Variants in POLH observed in about 807,000 individuals in gnomAD.
The protein encoded by POLH is DNA polymerase eta transcript.
POLH carries 53 observed loss-of-function variants against 73.6 expected under a neutral mutation model. The observed-to-expected ratio is 0.72, with a 90% CI of 0.58 to 0.91. The LOEUF (loss-of-function observed/expected upper bound fraction) is 0.91. Ranked by LOEUF, POLH falls within the 40% of genes least tolerant of loss-of-function variation. The pLI is 0.00. For missense variants in POLH, 768 were observed against 865.4 expected (o/e 0.89, Z 1.41); for synonymous variants, 292 against 308.5 (o/e 0.95, Z 0.56).
Position 43,582,300 on chromosome 6 carries a change from A to C in POLH, c.-4-16A>C. On this transcript the variant is annotated splice_polypyrimidine_tract_variant and intron_variant, in intron 1 of 10. Coordinates refer to ENST00000372236, the MANE Select transcript of POLH (RefSeq NM_006502.3). ...TTAGGTGTTTTTCTAACTGTCCATA[A>C]AATGTTGTGTTACAGAAAAATGGCT... is the stretch of plus-strand genomic sequence containing the variant. 1.2e-6 allele frequency: 2 copies of C among 1,613,336 alleles called. No homozygotes were observed. The highest frequency in any genetic ancestry group is 1.7e-6 in the Non-Finnish European group (2 of 1,179,248).
At position 43,582,462 on chromosome 6, in the gene POLH, T is replaced by C. The variant is rs1159827481; in HGVS notation, c.137+6T>C. ...AAATCATGGAAGGGTGGTGGGTATG[T>C]ATCATTGTTATTGTCACAACTATTC... On this transcript the variant is annotated splice_donor_region_variant and intron_variant, in intron 2 of 10. Coordinates refer to ENST00000372236, the MANE Select transcript of POLH (RefSeq NM_006502.3). 1.2e-5 allele frequency: 20 copies of C among 1,612,908 alleles called. No homozygotes were observed. Among genetic ancestry groups the C allele is most frequent in the Non-Finnish European group, 1.6e-5 (19 of 1,179,010 alleles).
chr6:43,618,371 GTCTC>G lies in POLH; in HGVS notation c.*3816_*3819del, dbSNP rs762351459. Among the ~76,000 whole-genome samples, 4 of 152,046 alleles carry G rather than the reference GTCTC, an allele frequency of 2.6e-5. No homozygotes were observed. The highest frequency in any genetic ancestry group is 5.9e-5 in the Non-Finnish European group (4 of 68,010). Reference sequence around the variant, plus strand: ...GGTTTTCACCATGTTGGCCAGGCTGGTCTCTATCTAGACCTCGTGATCCATCCGC... The same window carrying G: ...GGTTTTCACCATGTTGGCCAGGCTGGTATCTAGACCTCGTGATCCATCCGC... On this transcript the variant is annotated 3_prime_UTR_variant, in exon 11 of 11. Transcript: ENST00000372236.
chr6:43,576,656 T>C (rs1310266254), intron 1 of POLH, among the ~76,000 whole-genome samples: 2 of 152,252 alleles, frequency 1.3e-5, no homozygotes, highest in African/African-American at 4.8e-5. Flanking sequence ...TGGAATTACT[T>C]TCCTGGATGT....
chr6:43,576,990 T>C (rs1021330730), intron 1 of POLH, among the ~76,000 whole-genome samples: 1 of 152,218 alleles, frequency 6.6e-6, no homozygotes, highest in Non-Finnish European at 1.5e-5. Flanking sequence ...ACCCCGTTTC[T>C]ACTAAACATA....
chr6:43,582,472 A>T lies in POLH; in HGVS notation c.137+16A>T, dbSNP rs2307458. Reference sequence around the variant, plus strand: ...AGGGTGGTGGGTATGTATCATTGTTATTGTCACAACTATTCAATGGTAACA... The same window carrying T: ...AGGGTGGTGGGTATGTATCATTGTTTTTGTCACAACTATTCAATGGTAACA... On this transcript the variant is annotated intron_variant, in intron 2 of 10. Coordinates refer to ENST00000372236, the MANE Select transcript of POLH (RefSeq NM_006502.3). 2.4e-3 allele frequency: 3,876 copies of T among 1,611,260 alleles called. 85 individuals carry two copies. In the African/African-American group the frequency reaches 0.046, roughly 19 times the overall value.
At chr6:43,598,819 C>A (rs977871914) in intron 5 of POLH, among the ~76,000 whole-genome samples, 2 of 151,892 alleles carry the variant, frequency 1.3e-5, no homozygotes, top group African/African-American at 4.8e-5. Flanking sequence ...ATTTTATATA[C>A]GGGACTTGGG....
chr6:43,598,441 A>G (rs1309571131), intron 5 of POLH, among the ~76,000 whole-genome samples: 1 of 151,664 alleles, frequency 6.6e-6, no homozygotes, highest in African/African-American at 2.4e-5. Context: ...AGCCTGACCA[A>G]TATGGTAAAA....
chr6:43,576,519 C>T (rs1411633245), intron 1 of POLH, 79 bp downstream of exon 1: 1 of 152,188 alleles, frequency 6.6e-6, no homozygotes, highest in Non-Finnish European at 1.5e-5. Flanking sequence ...TATAATGTAG[C>T]AGTGACTGGG....
chr6:43,582,968 T>C (rs1764451779), intron 2 of POLH, 39 bp from the exon 3 acceptor site: 1 of 1,574,948 alleles, frequency 6.3e-7, no homozygotes, highest in Non-Finnish European at 8.7e-7. Flanking sequence ...CTTGTGATCA[T>C]ATAATATGTT....
In POLH at chr6:43,616,481, C is replaced by T. The variant is rs1364372361; in HGVS notation, c.*1924C>T. 1.3e-5 allele frequency among the ~76,000 whole-genome samples: 2 copies of T among 150,162 alleles called. No homozygotes were observed. Among genetic ancestry groups the T allele is most frequent in the African/African-American group, 4.9e-5 (2 of 40,634 alleles). ...GCAGGCGCCTGTAATCCCAGGTACT[C>T]GGGAGACTGAGGCAGGAGAATTGCT... On this transcript the variant is annotated 3_prime_UTR_variant, in exon 11 of 11. Transcript: ENST00000372236.
chr6:43,608,079 G>A (rs1026090875), intron 9 of POLH, among the ~76,000 whole-genome samples: 2 of 152,142 alleles, frequency 1.3e-5, no homozygotes, highest in Non-Finnish European at 2.9e-5. Context: ...GCAGTGAGCC[G>A]AGATTGCGCC....
At chr6:43,601,294 T>G (rs1766705174) in intron 6 of POLH, among the ~76,000 whole-genome samples, 1 of 152,072 alleles carries the variant, frequency 6.6e-6, no homozygotes, top group South Asian at 2.1e-4. Flanking sequence ...AGACAGAGTT[T>G]CACTCTTGTT....
rs912436536 is a variant in POLH, at chr6:43,618,443, C to T, written c.*3886C>T. On this transcript the variant is annotated 3_prime_UTR_variant, in exon 11 of 11. Transcript: ENST00000372236. Reference sequence around the variant, plus strand: ...CTGGGATTATAGGCATGAGCCACCACGCCCAGCCTATAGTACTGTATTCTT... The same window carrying T: ...CTGGGATTATAGGCATGAGCCACCATGCCCAGCCTATAGTACTGTATTCTT... 2.0e-5 allele frequency among the ~76,000 whole-genome samples: 3 copies of T among 151,466 alleles called. No homozygotes were observed. Among genetic ancestry groups the T allele is most frequent in the Non-Finnish European group, 2.9e-5 (2 of 67,808 alleles).
chr6:43,578,568 G>A (rs560924132), intron 1 of POLH: 11 of 287,120 alleles, frequency 3.8e-5, no homozygotes, highest in East Asian at 1.2e-4. Flanking sequence ...AGGAACAACC[G>A]AGGAAATGCC....
chr6:43,614,619 A>AAT lies in POLH; in HGVS notation c.*65_*66dup. ...TTTATCTTTACAGATCTTTATCTTT[A>AAT]ATATTTTATCTTTACAGATTTCCCT... On this transcript the variant is annotated 3_prime_UTR_variant, in exon 11 of 11. Coordinates refer to ENST00000372236, the MANE Select transcript of POLH (RefSeq NM_006502.3). 7.3e-7 allele frequency: 1 copy of AAT among 1,372,238 alleles called. No homozygotes were observed. The highest frequency in any genetic ancestry group is 1.0e-6 in the Non-Finnish European group (1 of 987,870). The allele number at this position is 1,372,238 out of a possible 1,614,324, so 85.0% of individuals were successfully genotyped here. A position where few individuals can be genotyped will look rare whatever the true frequency, so the allele number is the denominator to read the frequency against.
chr6:43,616,163 C>T lies in POLH; in HGVS notation c.*1606C>T, dbSNP rs1241151028. Among the ~76,000 whole-genome samples, 1 of 151,578 alleles carries T rather than the reference C, an allele frequency of 6.6e-6. No homozygotes were observed. Among genetic ancestry groups the T allele is most frequent in the African/African-American group, 2.4e-5 (1 of 41,280 alleles). On this transcript the variant is annotated 3_prime_UTR_variant, in exon 11 of 11. Transcript: ENST00000372236. ...GGTGCGGTGGCAGGCGCCTGTAGTCCCAGCTACTCGGGAGGCTGAGGCAGG... is the reference window on the plus strand; with the variant it reads ...GGTGCGGTGGCAGGCGCCTGTAGTCTCAGCTACTCGGGAGGCTGAGGCAGG...
chr6:43,603,677 C>T (rs987956390), intron 6 of POLH, among the ~76,000 whole-genome samples: 1 of 152,180 alleles, frequency 6.6e-6, no homozygotes, highest in Non-Finnish European at 1.5e-5. Context: ...ATACAGTTTA[C>T]TTGATAGTTA....
At position 43,614,302 on chromosome 6, in the gene POLH, TG is replaced by T; in HGVS notation, c.1888del (p.Glu630ArgfsTer82). Reference sequence around the variant, plus strand: ...CCCCAAATCCAAGTCTTCTAGCTGCTGAGGACCAAGTGCCCTGTGAGAAGTG... The same window carrying T: ...CCCCAAATCCAAGTCTTCTAGCTGCTAGGACCAAGTGCCCTGTGAGAAGTG... ...ATPNPSLLAA[E>X]DQVPCEKCGS... On this transcript the variant is annotated frameshift_variant, in exon 11 of 11. Transcript: ENST00000372236. LOFTEE classifies it high-confidence loss of function. 6.2e-7 allele frequency: 1 copy of T among 1,601,280 alleles called. No individual in the cohort carries two copies. The highest frequency in any genetic ancestry group is 1.3e-5 in the African/African-American group (1 of 74,624).
intron 8 of POLH, 52 bp from the exon 9 acceptor site, chr6:43,605,202 T>G (rs1767140234): frequency 6.7e-6 from 7 of 1,045,470 alleles, no homozygotes; most frequent in African/African-American, 3.1e-5. Flanking sequence ...ATCTAGTTCT[T>G]AATAGACTTC....
Sources: allele counts gnomAD v4.1 joint callset (sites outside exome capture counted in the v4.1 genomes callset), GRCh38; gene constraint gnomAD v4.1.1; transcripts MANE v1.5; gene names NCBI Gene and HGNC (gene_info 2026-07-23, HGNC 2026-07-21).